Variants in CAMTA1 observed in about 807,000 individuals in gnomAD.
The protein encoded by CAMTA1 is calmodulin-binding transcription activator 1.
CAMTA1 carries 27 observed loss-of-function variants against 170.9 expected under a neutral mutation model. The ratio of observed to expected loss-of-function variants is 0.16; its 90% CI spans 0.12 to 0.22. The LOEUF is 0.22. Ranked by LOEUF, CAMTA1 falls within the 10% of genes least tolerant of loss-of-function variation. The pLI is 1.00. For synonymous variants in CAMTA1, 833 were observed against 891.5 expected (o/e 0.93, Z 1.17); for missense variants, 1,619 against 2,217.2 (o/e 0.73, Z 5.42).
At chr1:6,815,240 T>C (rs957075541) in intron 1 of CAMTA1, among the ~76,000 whole-genome samples, 3 of 151,990 alleles carry the variant, frequency 2.0e-5, no homozygotes, top group African/African-American at 7.3e-5. Context: ...GGTCTCACTC[T>C]GTTGCCTAGG....
intron 5 of CAMTA1, among the ~76,000 whole-genome samples, chr1:7,362,527 A>G (rs1479130661): frequency 1.3e-5 from 2 of 149,978 alleles, no homozygotes; most frequent in African/African-American, 4.9e-5. Context: ...GGTGGTGGAC[A>G]TGGGTACCGA....
chr1:6,905,839 T>G (rs916946044), intron 3 of CAMTA1, among the ~76,000 whole-genome samples: 1 of 152,226 alleles, frequency 6.6e-6, no homozygotes, highest in Admixed American at 6.5e-5. Flanking sequence ...ATACAGAGTG[T>G]GCTCGGTGCA....
At position 7,293,878 on chromosome 1, in the gene CAMTA1, G is replaced by A. The variant is rs1673529772; in HGVS notation, c.438+44252G>A. Among the ~76,000 whole-genome samples the A allele has an allele frequency of 6.6e-6, 1 of 152,232 alleles. No homozygotes were observed. The highest frequency in any genetic ancestry group is 1.5e-5 in the Non-Finnish European group (1 of 68,038). On this transcript the variant is annotated intron_variant, in intron 5 of 22. Transcript: ENST00000303635. This position sits in a 1 kb window ranked among gnomAD's most constrained non-coding sequence, Gnocchi z 4.1. ...GGCCTCTTTGGAGCCTGTTGGAGGA[G>A]ATTTTGTAGTAATGAGCATTTGGCT...
At chr1:7,018,144 T>TTTTTTTTTTTTTTTTGAG (rs1553219179) in intron 3 of CAMTA1, among the ~76,000 whole-genome samples, 320 of 150,682 alleles carry the variant, frequency 2.1e-3, no homozygotes, top group South Asian at 2.9e-3. Flanking sequence ...CAGGGCTTTT[T>TTTTTTTTTTTTTTTTGAG]AACAGATGGT....
intron 10 of CAMTA1, 35 bp downstream of exon 10, chr1:7,671,072 T>C: frequency 6.2e-7 from 1 of 1,608,338 alleles, no homozygotes; most frequent in Non-Finnish European, 8.5e-7. Context: ...CCAAGGTGAG[T>C]GTGATGGCCT....
At chr1:6,815,802 G>A (rs1645734371) in intron 1 of CAMTA1, among the ~76,000 whole-genome samples, 1 of 152,142 alleles carries the variant, frequency 6.6e-6, no homozygotes, top group South Asian at 2.1e-4. Flanking sequence ...GCTTGTTAGA[G>A]GCAGAATCTC....
Position 7,044,153 on chromosome 1 carries a change from A to T in CAMTA1, c.235-47151A>T, listed in dbSNP as rs1279022087. ...TCTGCAGAAGGCACGTGGGTGTCAC[A>T]TATGCACACACATGCATGCACAGCG... On this transcript the variant is annotated intron_variant, in intron 3 of 22. Coordinates refer to ENST00000303635, the MANE Select transcript of CAMTA1 (RefSeq NM_015215.4). This position sits in a 1 kb window ranked among gnomAD's most constrained non-coding sequence, Gnocchi z 5.0. Among the ~76,000 whole-genome samples the T allele has an allele frequency of 6.6e-6, 1 of 152,216 alleles. No homozygotes were observed. The highest frequency in any genetic ancestry group is 2.4e-5 in the African/African-American group (1 of 41,452).
At chr1:6,884,289 G>GACACACACAC (rs1320065318) in intron 3 of CAMTA1, among the ~76,000 whole-genome samples, 1 of 84,106 alleles carries the variant, frequency 1.2e-5, no homozygotes, top group Non-Finnish European at 2.5e-5. Flanking sequence ...TTATTCTCTA[G>GACACACACAC]AGACACACAC....
At chr1:7,042,882 A>G (rs1395723373) in intron 3 of CAMTA1, among the ~76,000 whole-genome samples, 1 of 152,234 alleles carries the variant, frequency 6.6e-6, no homozygotes, top group Non-Finnish European at 1.5e-5. Flanking sequence ...TGGCTGTGCA[A>G]TATCTGATTC....
At position 7,641,993 on chromosome 1, in the gene CAMTA1, A is replaced by C. The variant is rs1240859457; in HGVS notation, c.664+1440A>C. ...CTCTGCAGGACTCTGCGCCCTTTCC[A>C]CCTGCTGTAGTCCCCACTCCCCAGA... is the stretch of plus-strand genomic sequence containing the variant. On this transcript the variant is annotated intron_variant, in intron 7 of 22. Transcript: ENST00000303635. This position sits in a 1 kb window ranked among gnomAD's most constrained non-coding sequence, Gnocchi z 4.5. Among the ~76,000 whole-genome samples the C allele has an allele frequency of 3.6e-5, 4 of 112,360 alleles. No homozygotes were observed. Among genetic ancestry groups the C allele is most frequent in the South Asian group, 2.6e-4 (1 of 3,920 alleles). The allele number at this position is 112,360 out of a possible 152,430, so 73.7% of individuals were successfully genotyped here. A position where few individuals can be genotyped will look rare whatever the true frequency, so the allele number is the denominator to read the frequency against.
chr1:7,059,894 T>C (rs565744816), intron 3 of CAMTA1, among the ~76,000 whole-genome samples: 100 of 152,300 alleles, frequency 6.6e-4, no homozygotes, highest in Admixed American at 2.0e-3. Flanking sequence ...GATGCTGTTA[T>C]TACCCTTGTT....
intron 6 of CAMTA1, among the ~76,000 whole-genome samples, chr1:7,487,116 C>G (rs1446352516): frequency 2.6e-5 from 4 of 152,218 alleles, no homozygotes; most frequent in African/African-American, 9.6e-5. Flanking sequence ...ATAGGAGGGG[C>G]TCCTTTCTGA....
At chr1:7,452,870 T>TTACC (rs2092860811) in intron 5 of CAMTA1, among the ~76,000 whole-genome samples, 1 of 152,376 alleles carries the variant, frequency 6.6e-6, no homozygotes, top group African/African-American at 2.4e-5. Flanking sequence ...TTTTGGGCAG[T>TTACC]TACCTAGGAG....
chr1:7,339,246 C>T (rs2083614141), intron 5 of CAMTA1, among the ~76,000 whole-genome samples: 1 of 152,336 alleles, frequency 6.6e-6, no homozygotes, highest in African/African-American at 2.4e-5. Flanking sequence ...TAAAGCCACT[C>T]CATTGTATGC....
chr1:7,499,776 T>TAC (rs2093946111), intron 6 of CAMTA1, among the ~76,000 whole-genome samples: 1 of 104,700 alleles, frequency 9.6e-6, no homozygotes. Flanking sequence ...TGTGAGTGTG[T>TAC]GTGTCCATGA....
intron 3 of CAMTA1, among the ~76,000 whole-genome samples, chr1:7,054,166 C>G (rs1706922596): frequency 6.6e-6 from 1 of 152,208 alleles, no homozygotes; most frequent in African/African-American, 2.4e-5. Flanking sequence ...TGCTGGGAGA[C>G]CAGCAGGGGC....
At chr1:7,382,108 G>A (rs1445295342) in intron 5 of CAMTA1, among the ~76,000 whole-genome samples, 4 of 152,206 alleles carry the variant, frequency 2.6e-5, no homozygotes, top group East Asian at 1.9e-4. Context: ...AGAGAACAAC[G>A]CTTTTGCCTG....
In CAMTA1 at chr1:7,456,180, G is replaced by A. The variant is rs1270810241; in HGVS notation, c.439-11650G>A. On this transcript the variant is annotated intron_variant, in intron 5 of 22. Transcript: ENST00000303635. The surrounding 1 kb of genome is among the most constrained non-coding windows in gnomAD (Gnocchi z 4.9). Reference sequence around the variant, plus strand: ...GAGGAAGGGAGGGAGGGAGATGGAAGGGAGGGAGGAAAAATGGGAGGGAGG... The same window carrying A: ...GAGGAAGGGAGGGAGGGAGATGGAAAGGAGGGAGGAAAAATGGGAGGGAGG... Among the ~76,000 whole-genome samples, 21 of 150,804 alleles carry A rather than the reference G, an allele frequency of 1.4e-4. No individual in the cohort carries two copies. Among genetic ancestry groups the A allele is most frequent in the African/African-American group, 4.9e-4 (20 of 40,972 alleles).
At chr1:6,871,263 A>G (rs1213977767) in intron 3 of CAMTA1, among the ~76,000 whole-genome samples, 2 of 152,188 alleles carry the variant, frequency 1.3e-5, no homozygotes, top group African/African-American at 4.8e-5. Context: ...ATCTTAATAG[A>G]TATAGTTACA....
Sources: allele counts gnomAD v4.1 joint callset (sites outside exome capture counted in the v4.1 genomes callset), GRCh38; gene constraint gnomAD v4.1.1; non-coding constraint Gnocchi (gnomAD v3.1); transcripts MANE v1.5; gene names NCBI Gene and HGNC (gene_info 2026-07-23, HGNC 2026-07-21).